Variants in TENM1 observed in about 807,000 individuals in gnomAD.
TENM1 encodes teneurin transmembrane protein 1.
Under a neutral mutation model 174.8 loss-of-function variants are expected in TENM1, and 35 were observed. That is an observed-to-expected ratio of 0.20 (90% confidence interval 0.15 to 0.27). The LOEUF is 0.27. TENM1 is among the 10% of genes least tolerant of loss of function. The probability of loss-of-function intolerance (pLI) is 1.00; values close to 1 mark genes in which losing one functional copy is unlikely to be tolerated. For synonymous variants in TENM1, 781 were observed against 798.7 expected, an observed-to-expected ratio of 0.98 and a Z score of 0.37; for missense variants, 1,633 against 2,130.1, an observed-to-expected ratio of 0.77 and a Z score of 4.59.
At chrX:124,562,832 A>G (rs1208459008) in intron 13 of TENM1, among the ~76,000 whole-genome samples, 2 of 112,470 alleles carry the variant, frequency 1.8e-5, no homozygotes, top group African/African-American at 6.5e-5. Flanking sequence ...GTCAATATTC[A>G]TTTCGGTTTC....
chrX:124,612,572 C>T (rs1246382845), intron 11 of TENM1, among the ~76,000 whole-genome samples: 1 of 111,480 alleles, frequency 9.0e-6, no homozygotes, highest in African/African-American at 3.3e-5. Flanking sequence ...CATTTTTTTA[C>T]CCAACAACAA....
intron 3 of TENM1, among the ~76,000 whole-genome samples, chrX:124,760,873 A>C (rs953983408): frequency 1.7e-4 from 19 of 111,937 alleles, no homozygotes; most frequent in Non-Finnish European, 3.6e-4. Flanking sequence ...AACCCCATCA[A>C]AAAGTGCGCA....
At chrX:124,990,882 G>T in the TENM1 span, among the ~76,000 whole-genome samples, 3 of 111,327 alleles carry the variant, frequency 2.7e-5, no homozygotes, top group African/African-American at 9.8e-5. Context: ...TCCATGGTCG[G>T]CAACTTTGAG....
chrX:124,937,109 GTAAA>G (rs1488314686), intron 1 of TENM1, among the ~76,000 whole-genome samples: 1 of 109,028 alleles, frequency 9.2e-6, no homozygotes, highest in Non-Finnish European at 1.9e-5. Context: ...TCTTTCAGCC[GTAAA>G]TAAATACTGG....
intron 29 of TENM1, 143 bp from the exon 33 acceptor site, chrX:124,384,997 G>A: frequency 2.1e-6 from 1 of 482,687 alleles, no homozygotes; most frequent in African/African-American, 2.4e-5. Flanking sequence ...TCAAATGCCT[G>A]GGCATATTAC....
the TENM1 span, among the ~76,000 whole-genome samples, chrX:125,113,347 A>T: frequency 1.8e-5 from 2 of 111,348 alleles, no homozygotes; most frequent in South Asian, 7.6e-4. Context: ...CAGGACACAA[A>T]AAAGCACTAG....
the TENM1 span, among the ~76,000 whole-genome samples, chrX:125,106,273 T>C: frequency 8.9e-6 from 1 of 112,487 alleles, no homozygotes; most frequent in South Asian, 3.7e-4. Flanking sequence ...TATTTGTTTG[T>C]ATATTATCTG....
intron 24 of TENM1, among the ~76,000 whole-genome samples, chrX:124,421,364 T>C (rs1270293307): frequency 1.8e-5 from 2 of 112,366 alleles, no homozygotes; most frequent in Non-Finnish European, 1.9e-5. Context: ...AAAATATCTA[T>C]AAAACTAATT....
the TENM1 span, among the ~76,000 whole-genome samples, chrX:125,195,650 G>T: frequency 1.8e-5 from 2 of 111,321 alleles, no homozygotes; most frequent in Admixed American, 9.6e-5. Flanking sequence ...GACTAAACAG[G>T]AAAGATATAT....
At chrX:125,121,588 T>C in the TENM1 span, among the ~76,000 whole-genome samples, 8 of 112,009 alleles carry the variant, frequency 7.1e-5, no homozygotes, top group African/African-American at 2.3e-4. Context: ...GGATGGGGTA[T>C]GAGAAAATTT....
At chrX:124,772,366 C>T (rs764866187) in intron 3 of TENM1, among the ~76,000 whole-genome samples, 1 of 111,915 alleles carries the variant, frequency 8.9e-6, no homozygotes, top group South Asian at 3.7e-4. Flanking sequence ...GAACTCCTGA[C>T]GTCAAGTGAT....
the TENM1 span, among the ~76,000 whole-genome samples, chrX:125,186,517 C>T: frequency 1.8e-5 from 2 of 108,791 alleles, no homozygotes. Context: ...TCATGAATAG[C>T]GTGGTGCCCT....
chrX:124,789,090 C>G (rs1603201104), intron 3 of TENM1, among the ~76,000 whole-genome samples: 1 of 112,326 alleles, frequency 8.9e-6, no homozygotes, highest in African/African-American at 3.2e-5. Context: ...CTTCTCTGCA[C>G]TTGCAGGGTC....
chrX:124,751,230 T>C (rs1007613378), intron 3 of TENM1, among the ~76,000 whole-genome samples: 8 of 111,946 alleles, frequency 7.1e-5, no homozygotes, highest in Non-Finnish European at 1.1e-4. Context: ...AAAAAATTCT[T>C]ATTTAATACA....
the TENM1 span, among the ~76,000 whole-genome samples, chrX:125,115,429 C>T: frequency 0.015 from 1,699 of 110,927 alleles, 31 homozygotes; most frequent in African/African-American, 0.053. Flanking sequence ...TATTCAAATA[C>T]GAAGAGAGGA....
the TENM1 span, among the ~76,000 whole-genome samples, chrX:125,153,619 G>A: frequency 8.9e-6 from 1 of 112,086 alleles, no homozygotes; most frequent in Admixed American, 9.5e-5. Flanking sequence ...ATAAAACTGG[G>A]ATTTTCAGAT....
chrX:124,943,484 G>A (rs2058359160), intron 1 of TENM1, among the ~76,000 whole-genome samples: 1 of 111,820 alleles, frequency 8.9e-6, no homozygotes, highest in African/African-American at 3.2e-5. Flanking sequence ...TAAAACAAAA[G>A]CCAAAATAAA....
intron 2 of TENM1, 67 bp from the exon 6 acceptor site, chrX:124,894,419 C>T (rs2057527201): frequency 2.4e-6 from 2 of 835,245 alleles, no homozygotes; most frequent in Non-Finnish European, 3.5e-6. Flanking sequence ...AAACTTCAAC[C>T]CTTACCCTTC....
Position 124,869,905 on chromosome X carries a change from A to G in TENM1, c.535+24391T>C, listed in dbSNP as rs972638511. ...ATAGAAAGAACAAATGAGACCTACT[A>G]TACGACAGCACAACAGGGTGACTAT... On this transcript the variant is annotated intron_variant, in intron 3 of 31. Transcript: ENST00000422452. Among the ~76,000 whole-genome samples the G allele has an allele frequency of 3.6e-5, 4 of 111,304 alleles. No individual in the cohort carries two copies. In the Admixed American group the frequency reaches 3.8e-4, roughly 11 times the overall value.
Sources: gnomAD v4.1 joint callset for allele counts (sites outside exome capture counted in the v4.1 genomes callset) on GRCh38, gnomAD v4.1.1 for gene constraint, MANE v1.5 for transcripts, NCBI Gene and HGNC (gene_info 2026-07-23, HGNC 2026-07-21) for gene names.